Variants in MED16 observed in about 807,000 individuals in gnomAD.
The protein encoded by MED16 is mediator of RNA polymerase II transcription subunit 16.
MED16 carries 81 observed loss-of-function variants against 84.4 expected under a neutral mutation model. That is an observed-to-expected ratio of 0.96 (90% CI 0.80 to 1.15). The LOEUF (loss-of-function observed/expected upper bound fraction) is 1.15, where lower values mean the gene tolerates loss of function less well. Ranked by LOEUF, MED16 falls within the 50% of genes most tolerant of loss-of-function variation. The pLI, the probability that MED16 is intolerant of heterozygous loss-of-function variation, is 0.00. For synonymous variants in MED16, 897 were observed against 552.2 expected, an observed-to-expected ratio of 1.62 and a Z score of -8.76; for missense variants, 1,585 against 1,245.9, an observed-to-expected ratio of 1.27 and a Z score of -4.10.
At chr19:882,317 G>A (rs547907800) in intron 6 of MED16, among the ~76,000 whole-genome samples, 4 of 152,280 alleles carry the variant, frequency 2.6e-5, no homozygotes, top group Admixed American at 2.6e-4. Flanking sequence ...AGACCAGCCT[G>A]GACAACACAG....
At chr19:880,231 T>A in intron 7 of MED16, 83 bp from the exon 8 acceptor site, 1 of 1,348,218 alleles carries the variant, frequency 7.4e-7, no homozygotes, top group Non-Finnish European at 9.8e-7. Context: ...CTGCAGGGTG[T>A]GGAGAGCCGG....
At chr19:880,206 GA>G in intron 7 of MED16, 58 bp from the exon 8 acceptor site, 2 of 1,491,778 alleles carry the variant, frequency 1.3e-6, no homozygotes, top group Non-Finnish European at 1.8e-6. Context: ...CCCGCCGGGG[GA>G]GGGGCCTCCT....
intron 8 of MED16, among the ~76,000 whole-genome samples, chr19:878,913 ACCAGCCCCGGCCCCGGCC>A (rs1568326576): frequency 1.1e-4 from 9 of 81,986 alleles, no homozygotes; most frequent in Admixed American, 3.5e-4. Flanking sequence ...GTCAATGTCC[ACCAGCCCCGGCCCCGGCC>A]CCGGCCCCGG....
intron 6 of MED16, 68 bp from the exon 7 acceptor site, chr19:881,782 T>C (rs1170049507): frequency 7.1e-6 from 11 of 1,551,722 alleles, no homozygotes; most frequent in Non-Finnish European, 9.6e-6. Context: ...GCCGCAGGAG[T>C]CCAGCATGGC....
At chr19:871,562 C>G in intron 12 of MED16, 1 of 1,593,108 alleles carries the variant, frequency 6.3e-7, no homozygotes, top group Non-Finnish European at 8.5e-7. Flanking sequence ...GCTCACCCTC[C>G]TCACATACAC....
At chr19:886,346 C>T (rs934983853) in intron 4 of MED16, 145 bp from the exon 5 acceptor site, 9 of 687,932 alleles carry the variant, frequency 1.3e-5, no homozygotes, top group Admixed American at 1.0e-4. Flanking sequence ...CCACCTGAGC[C>T]GTGTGGGATG....
chr19:877,218 G>A (rs1430924163), intron 8 of MED16, 38 bp from the exon 9 acceptor site: 3 of 1,572,620 alleles, frequency 1.9e-6, no homozygotes, highest in African/African-American at 2.7e-5. Flanking sequence ...CCGGTGAGAT[G>A]GGGCTGCGCC....
Position 869,101 on chromosome 19 carries a change from G to A in MED16, c.2316-155C>T, listed in dbSNP as rs573976856. 6.7e-4 allele frequency among the ~76,000 whole-genome samples: 102 copies of A among 152,294 alleles called. 1 individual carries two copies. The South Asian group carries it at 8.3e-3, about 12-fold the overall frequency. The stretch of plus-strand genomic sequence containing the variant: ...GTCTGTGAACAGTGAGGTGGGAGGT[G>A]CGGGACCACCTGAGACAGGCCCAGT... On this transcript the variant is annotated intron_variant, in intron 13 of 15. Coordinates refer to ENST00000325464, the MANE Select transcript of MED16 (RefSeq NM_005481.3).
intron 7 of MED16, among the ~76,000 whole-genome samples, chr19:880,969 T>TA (rs2036409224): frequency 6.6e-6 from 1 of 151,042 alleles, no homozygotes; most frequent in Non-Finnish European, 1.5e-5. Flanking sequence ...AAATGGAGCA[T>TA]AAACCAAGGG....
At chr19:873,789 G>A (rs567588697) in intron 10 of MED16, among the ~76,000 whole-genome samples, 16 of 152,242 alleles carry the variant, frequency 1.1e-4, no homozygotes, top group African/African-American at 3.6e-4. Flanking sequence ...GGGGGCCGCT[G>A]TGCTCAGCAC....
At position 892,189 on chromosome 19, in the gene MED16, C is replaced by T. The variant is rs982831709; in HGVS notation, c.-19+897G>A. On this transcript the variant is annotated intron_variant, in intron 1 of 15. Transcript: ENST00000325464. ...CCAGGGAGCCTGGAATCACCCGCAA[C>T]CAGGTTCTCCTCAAACCCTAACCCC... Among the ~76,000 whole-genome samples the T allele has an allele frequency of 1.3e-5, 2 of 152,086 alleles. 1 individual carries two copies. The highest frequency in any genetic ancestry group is 4.1e-4 in the South Asian group (2 of 4,834).
intron 10 of MED16, among the ~76,000 whole-genome samples, chr19:873,931 T>C (rs977316624): frequency 6.6e-6 from 1 of 152,122 alleles, no homozygotes. Context: ...CACAGGGGCA[T>C]GTCCACAGCG....
At chr19:870,327 G>A (rs1032966182) in intron 13 of MED16, among the ~76,000 whole-genome samples, 4 of 152,132 alleles carry the variant, frequency 2.6e-5, no homozygotes, top group Admixed American at 6.6e-5. Flanking sequence ...TTGGGAGGGC[G>A]AGGCAGGTGG....
intron 9 of MED16, among the ~76,000 whole-genome samples, 184 bp downstream of exon 9, chr19:876,790 T>C (rs1208253705): frequency 6.6e-6 from 1 of 151,920 alleles, no homozygotes; most frequent in Non-Finnish European, 1.5e-5. Flanking sequence ...CCAAGGGAAC[T>C]CCCTCCCTGC....
chr19:880,181 A>G lies in MED16; in HGVS notation c.1142-33T>C, dbSNP rs1479767513. The G allele has an allele frequency of 2.5e-6, 4 of 1,581,980 alleles. No individual in the cohort carries two copies. In the South Asian group the frequency reaches 3.4e-5, roughly 13 times the overall value. On this transcript the variant is annotated intron_variant, in intron 7 of 15. Transcript: ENST00000325464. Reference sequence around the variant, plus strand: ...GCACAGGCACTGCTTAGACATGGGCAGGGCCCAGGACACGCCCGCCGGGGG... The same window carrying G: ...GCACAGGCACTGCTTAGACATGGGCGGGGCCCAGGACACGCCCGCCGGGGG...
rs764750486 is a variant in MED16, at chr19:881,547, G to A, written c.1141+12C>T. 7.5e-6 allele frequency: 12 copies of A among 1,602,494 alleles called. No homozygotes were observed. The South Asian group carries it at 1.2e-4, about 16-fold the overall frequency. On this transcript the variant is annotated intron_variant, in intron 7 of 15. Coordinates refer to ENST00000325464, the MANE Select transcript of MED16 (RefSeq NM_005481.3). ...CTGAGGCCCCGCGTGGCTGCCGCTG[G>A]CTCCACCGTACCGAGGCCAGGGTAG...
At position 871,089 on chromosome 19, in the gene MED16, C is replaced by T; in HGVS notation, c.2263G>A (p.Ala755Thr). 1 of 1,548,096 alleles carries T rather than the reference C, an allele frequency of 6.5e-7. No individual in the cohort carries two copies. Among genetic ancestry groups the T allele is most frequent in the Non-Finnish European group, 8.7e-7 (1 of 1,145,666 alleles). Residue 755 changes from alanine (A) to threonine (T), a missense_variant, in exon 13 of 16, where the codon GCG becomes ACG. Ala to Thr is a moderately conservative substitution (Grantham distance 58). Transcript: ENST00000325464. ...GCAGCACTGCCAGGCAGCGTGGGCGCCCGGCCAAACTGCAGACGAAGGGGC... is the reference window on the plus strand; with the variant it reads ...GCAGCACTGCCAGGCAGCGTGGGCGTCCGGCCAAACTGCAGACGAAGGGGC... The part of the protein sequence containing the change: ...KQPLRLQFGR[A>T]PTLPGSAATL...
At chr19:878,385 T>C (rs2036317716) in intron 8 of MED16, among the ~76,000 whole-genome samples, 1 of 95,852 alleles carries the variant, frequency 1.0e-5, no homozygotes, top group South Asian at 3.8e-4. Context: ...CAGCCCCACG[T>C]GCCCCAGCAG....
At chr19:875,599 C>T in intron 9 of MED16, 145 bp from the exon 10 acceptor site, 1 of 627,504 alleles carries the variant, frequency 1.6e-6, no homozygotes, top group South Asian at 2.0e-5. Context: ...TCAGCAACCT[C>T]ATGGCAAAAC....
Sources: gnomAD v4.1 joint callset for allele counts (sites outside exome capture counted in the v4.1 genomes callset) on GRCh38, gnomAD v4.1.1 for gene constraint, MANE v1.5 for transcripts, NCBI Gene and HGNC (gene_info 2026-07-23, HGNC 2026-07-21) for gene names.